The following RBFOX1 variants were observed in gnomAD, a reference collection of about 807,000 sequenced individuals.
RBFOX1 encodes the protein RNA binding protein fox-1 homolog 1.
Under a neutral mutation model 57.7 loss-of-function variants are expected in RBFOX1, and 8 were observed. The ratio of observed to expected loss-of-function variants is 0.14; its 90% CI spans 0.08 to 0.25. The LOEUF (loss-of-function observed/expected upper bound fraction) is 0.25, where lower values mean the gene tolerates loss of function less well. Among genes scored for constraint, RBFOX1 ranks in the 10% least tolerant of loss-of-function variants. RBFOX1 has a pLI of 1.00. For synonymous variants in RBFOX1, 326 were observed against 222.4 expected (o/e 1.47, Z -4.15); for missense variants, 611 against 548.5 (o/e 1.11, Z -1.14).
chr16:6,523,903 T>G (rs1403320318), intron 2 of RBFOX1, among the ~76,000 whole-genome samples: 1 of 152,202 alleles, frequency 6.6e-6, no homozygotes, highest in African/African-American at 2.4e-5. Flanking sequence ...TAGATACTTA[T>G]GGGATGCATG....
chr16:5,716,363 C>G (rs1364819633), intron 3 of RBFOX1, among the ~76,000 whole-genome samples: 1 of 152,142 alleles, frequency 6.6e-6, no homozygotes, highest in Non-Finnish European at 1.5e-5. Flanking sequence ...GGCATTAAGC[C>G]TACTAGTTAT....
chr16:5,504,421 G>C (rs1237785874), intron 2 of RBFOX1, among the ~76,000 whole-genome samples: 1 of 152,240 alleles, frequency 6.6e-6, no homozygotes, highest in African/African-American at 2.4e-5. Context: ...AGGCCATTGA[G>C]AAGCAGTTTC....
chr16:5,395,493 C>T (rs1462190765), intron 1 of RBFOX1, among the ~76,000 whole-genome samples: 1 of 152,180 alleles, frequency 6.6e-6, no homozygotes, highest in Admixed American at 6.5e-5. Context: ...TCCACTGTGG[C>T]TTGGCTGCGT....
At chr16:6,918,676 A>G (rs1183134110) in intron 3 of RBFOX1, among the ~76,000 whole-genome samples, 1 of 152,200 alleles carries the variant, frequency 6.6e-6, no homozygotes, top group African/African-American at 2.4e-5. Context: ...CCCAATGGGC[A>G]TATCTCTGGT....
At chr16:7,470,403 G>C (rs1451341761) in intron 4 of RBFOX1, among the ~76,000 whole-genome samples, 1 of 152,192 alleles carries the variant, frequency 6.6e-6, no homozygotes, top group South Asian at 2.1e-4. Flanking sequence ...ATGGATAGTT[G>C]GTTGGTTGGA....
At chr16:7,123,342 G>T (rs774203826) in intron 4 of RBFOX1, among the ~76,000 whole-genome samples, 2 of 152,020 alleles carry the variant, frequency 1.3e-5, no homozygotes, top group Admixed American at 6.6e-5. Context: ...ATGAAAAAGT[G>T]TAGAATTACC....
At chr16:6,347,852 T>G (rs1599895711) in intron 2 of RBFOX1, among the ~76,000 whole-genome samples, 1 of 152,212 alleles carries the variant, frequency 6.6e-6, no homozygotes, top group Non-Finnish European at 1.5e-5. Flanking sequence ...GAATGTTGAA[T>G]TAATCAACAC....
chr16:6,940,621 G>T (rs972725974), intron 3 of RBFOX1, among the ~76,000 whole-genome samples: 1 of 151,886 alleles, frequency 6.6e-6, no homozygotes, highest in Non-Finnish European at 1.5e-5. Flanking sequence ...TTTTTGAGGC[G>T]GAGTCTTACT....
chr16:7,313,873 C>T (rs1458547883), intron 4 of RBFOX1, among the ~76,000 whole-genome samples: 2 of 152,138 alleles, frequency 1.3e-5, no homozygotes, highest in Non-Finnish European at 2.9e-5. Context: ...CCTCACTGTG[C>T]CGGCCAGTGG....
At chr16:7,061,096 T>C (rs1205546408) in intron 4 of RBFOX1, among the ~76,000 whole-genome samples, 1 of 152,072 alleles carries the variant, frequency 6.6e-6, no homozygotes, top group Non-Finnish European at 1.5e-5. Flanking sequence ...TGCTTTAATC[T>C]TACATAACGA....
chr16:5,854,554 C>G (rs1176785743), intron 3 of RBFOX1, among the ~76,000 whole-genome samples: 1 of 148,104 alleles, frequency 6.8e-6, no homozygotes, highest in East Asian at 2.0e-4. Flanking sequence ...TTATACCTAT[C>G]TTACCCCCCC....
At chr16:5,454,615 G>A (rs2068522800) in intron 1 of RBFOX1, among the ~76,000 whole-genome samples, 1 of 152,154 alleles carries the variant, frequency 6.6e-6, no homozygotes, top group Non-Finnish European at 1.5e-5. Context: ...GGTGGCCCTT[G>A]GACTTGAACT....
intron 3 of RBFOX1, among the ~76,000 whole-genome samples, chr16:6,771,534 C>CT (rs2078295046): frequency 6.6e-6 from 1 of 152,186 alleles, no homozygotes; most frequent in East Asian, 1.9e-4. Flanking sequence ...AGCCAACACA[C>CT]TTCTGCTCAA....
At chr16:6,996,934 G>C (rs910554096) in intron 3 of RBFOX1, among the ~76,000 whole-genome samples, 8 of 152,214 alleles carry the variant, frequency 5.3e-5, no homozygotes, top group African/African-American at 1.9e-4. Flanking sequence ...AATCAGACTA[G>C]AGAATTTTTA....
intron 4 of RBFOX1, among the ~76,000 whole-genome samples, chr16:5,922,164 A>C (rs903562866): frequency 2.0e-5 from 3 of 152,098 alleles, no homozygotes; most frequent in African/African-American, 7.2e-5. Context: ...CTGTCTCGAC[A>C]AAGAAACAAA....
chr16:5,311,299 G>A (rs1041992424), intron 1 of RBFOX1, among the ~76,000 whole-genome samples: 3 of 151,904 alleles, frequency 2.0e-5, no homozygotes, highest in Non-Finnish European at 4.4e-5. Flanking sequence ...TTTTCACTCA[G>A]TGGTCAATGG....
At chr16:5,604,311 G>C (rs1183273711), downstream of RBFOX1, among the ~76,000 whole-genome samples, 1 of 152,186 alleles carries the variant, frequency 6.6e-6, no homozygotes, top group Non-Finnish European at 1.5e-5. Flanking sequence ...TGGGTTCTCT[G>C]CTTAGGTTCT....
Position 6,977,373 on chromosome 16 carries a change from C to T in RBFOX1, c.-15-74684C>T, listed in dbSNP as rs574699734. Among the ~76,000 whole-genome samples the T allele has an allele frequency of 5.9e-5, 9 of 152,050 alleles. No individual in the cohort carries two copies. The East Asian group carries it at 1.4e-3, about 23-fold the overall frequency. On this transcript the variant is annotated intron_variant, in intron 3 of 15. Transcript: ENST00000550418. ...TAGGAATGCCTTTGTTCTCTAGATA[C>T]CGGGATATCTGGACACTCGCAAGTC...
intron 3 of RBFOX1, among the ~76,000 whole-genome samples, chr16:5,758,527 A>G (rs2053478429): frequency 6.6e-6 from 1 of 152,148 alleles, no homozygotes; most frequent in Non-Finnish European, 1.5e-5. Flanking sequence ...AAAGTGAGCC[A>G]TTTCTGTGAA....
Sources: allele counts gnomAD v4.1 joint callset (sites outside exome capture counted in the v4.1 genomes callset), GRCh38; gene constraint gnomAD v4.1.1; transcripts MANE v1.5; gene names NCBI Gene and HGNC (gene_info 2026-07-23, HGNC 2026-07-21).